Variants in MEGF8 observed in about 807,000 individuals in gnomAD.
The protein encoded by MEGF8 is multiple epidermal growth factor-like domains protein 8.
In MEGF8, 156 loss-of-function variants were observed where a neutral mutation model predicts 302.9. The ratio of observed to expected loss-of-function variants is 0.52; its 90% CI spans 0.45 to 0.59. The LOEUF (loss-of-function observed/expected upper bound fraction) is 0.59. Among genes scored for constraint, MEGF8 ranks in the 20% least tolerant of loss-of-function variants. MEGF8 has a pLI of 0.00. For missense variants in MEGF8, 3,345 were observed against 3,964.5 expected (o/e 0.84, Z 4.20); for synonymous variants, 1,621 against 1,660.5 (o/e 0.98, Z 0.58).
At position 42,353,947 on chromosome 19, in the gene MEGF8, C is replaced by T; in HGVS notation, c.3934C>T (p.Leu1312=). Reference sequence around the variant, plus strand: ...GTGGGTTGTCTCGGCCACTGAGGAGCTACAGCCCTGTGCTCCCGGGACCCT... The same window carrying T: ...GTGGGTTGTCTCGGCCACTGAGGAGTTACAGCCCTGTGCTCCCGGGACCCT... The part of the protein sequence containing the change: ...CVWVVSATEE[L]QPCAPGTLCP... The change falls in exon 22 of 42, where the codon CTA becomes TTA. Residue 1312 remains leucine (L), a synonymous_variant. Transcript: ENST00000251268. This position sits in a 1 kb window ranked among gnomAD's most constrained non-coding sequence, Gnocchi z 6.1. 1.3e-6 allele frequency: 2 copies of T among 1,584,902 alleles called. No homozygotes were observed.
intron 12 of MEGF8, among the ~76,000 whole-genome samples, chr19:42,347,570 G>A (rs2147469646): frequency 6.6e-6 from 1 of 151,884 alleles, no homozygotes; most frequent in South Asian, 2.1e-4. Context: ...TCGGCTCAGT[G>A]CAACCTCTGC....
Position 42,344,500 on chromosome 19 carries a change from G to A in MEGF8, c.1848G>A (p.Leu616=), listed in dbSNP as rs1318601983. Residue 616 remains leucine, a synonymous_variant, in exon 11 of 42, where the codon CTG becomes CTA. Coordinates refer to ENST00000251268, the MANE Select transcript of MEGF8 (RefSeq NM_001271938.2). This position sits in a 1 kb window ranked among gnomAD's most constrained non-coding sequence, Gnocchi z 4.5. ...TCCTGGGTGACTGCCAGGCCTGCCT[G>A]GCCTTCAGCAGCCCCACAGCCCCTC... ...GRLLGDCQAC[L]AFSSPTAPPR... is the part of the protein sequence containing the mutation. 6.3e-7 allele frequency: 1 copy of A among 1,598,886 alleles called. No homozygotes were observed. Among genetic ancestry groups the A allele is most frequent in the Non-Finnish European group, 8.5e-7 (1 of 1,179,396 alleles).
Position 42,370,372 on chromosome 19 carries a change from G to T in MEGF8, c.7005+13G>T. 6.5e-7 allele frequency: 1 copy of T among 1,548,394 alleles called. No individual in the cohort carries two copies. The highest frequency in any genetic ancestry group is 8.7e-7 in the Non-Finnish European group (1 of 1,143,108). On this transcript the variant is annotated intron_variant, in intron 39 of 41. Transcript: ENST00000251268. ...GGACCCAGAGGAGGTGAAAGAGAGG[G>T]GTCAGATGCCTGGGTCTGAGGGAGG... is the stretch of plus-strand genomic sequence containing the variant.
In MEGF8 at chr19:42,333,917, C is replaced by T. The variant is rs1385703039; in HGVS notation, c.352-90C>T. On this transcript the variant is annotated intron_variant, in intron 2 of 41. Coordinates refer to ENST00000251268, the MANE Select transcript of MEGF8 (RefSeq NM_001271938.2). ...AAGGAAGGAGATGAGGCTCTGGGTC[C>T]CCCAGGGTGGAAGGGGGCAGGAGTG... 3.3e-6 allele frequency: 5 copies of T among 1,520,010 alleles called. No homozygotes were observed. In the African/African-American group the frequency reaches 5.5e-5, roughly 17 times the overall value. The allele number at this position is 1,520,010 out of a possible 1,614,324, so 94.2% of individuals were successfully genotyped here.
rs147938778 is a variant in MEGF8 at position 42,346,398 on chromosome 19, C to T, written c.2097+1565C>T. Among the ~76,000 whole-genome samples, 823 of 151,780 alleles carry T rather than the reference C, an allele frequency of 5.4e-3. 9 individuals are homozygous for T. Among genetic ancestry groups the T allele is most frequent in the African/African-American group, 0.019 (795 of 41,420 alleles). On this transcript the variant is annotated intron_variant, in intron 12 of 41. Coordinates refer to ENST00000251268, the MANE Select transcript of MEGF8 (RefSeq NM_001271938.2). ...CTCTACTAAAACTACAAAAATTAGC[C>T]GGGCGTGATGTCGGGTGCCTGTAAT...
In MEGF8 at chr19:42,360,791, G is replaced by T. The variant is rs763852948; in HGVS notation, c.5505G>T (p.Gly1835=). 1.9e-6 allele frequency: 3 copies of T among 1,592,938 alleles called. No individual in the cohort carries two copies. Among genetic ancestry groups the T allele is most frequent in the Non-Finnish European group, 2.6e-6 (3 of 1,170,184 alleles). ...TTTCCTCAGGCTCGGCCTCTGTGGG[G>T]CCCCCAATGGAGGAGTCTGTGGCCC... ...LPDLTRSASV[G]PPMEESVAHA... is the part of the protein sequence containing the mutation. The change falls in exon 32 of 42, where the codon GGG becomes GGT. Residue 1835 remains glycine (G), a synonymous_variant. Transcript: ENST00000251268.
At chr19:42,334,961 C>T (rs952609386) in intron 3 of MEGF8, 74 bp from the exon 4 acceptor site, 1 of 1,445,678 alleles carries the variant, frequency 6.9e-7, no homozygotes, top group African/African-American at 1.4e-5. Flanking sequence ...CTCTTTTCCT[C>T]TCTGTGTCTC....
chr19:42,357,594 G>A lies in MEGF8; in HGVS notation c.5011+10G>A. The A allele has an allele frequency of 6.3e-7, 1 of 1,580,354 alleles. No homozygotes were observed. Among genetic ancestry groups the A allele is most frequent in the Non-Finnish European group, 8.6e-7 (1 of 1,164,562 alleles). ...GGGACACCCCCCACAGGTGGGGCTG[G>A]GGACCGGGAGGGGACAGCCCCCGTG... On this transcript the variant is annotated intron_variant, in intron 28 of 41. Coordinates refer to ENST00000251268, the MANE Select transcript of MEGF8 (RefSeq NM_001271938.2). This position sits in a 1 kb window ranked among gnomAD's most constrained non-coding sequence, Gnocchi z 5.2.
At chr19:42,347,641 C>T (rs1019419575) in intron 12 of MEGF8, among the ~76,000 whole-genome samples, 3 of 152,072 alleles carry the variant, frequency 2.0e-5, no homozygotes, top group Non-Finnish European at 4.4e-5. Flanking sequence ...TACAAGTGCA[C>T]GCTACCACTC....
chr19:42,368,440 C>A lies in MEGF8; in HGVS notation c.6274-15C>A. 1 of 1,575,400 alleles carries A rather than the reference C, an allele frequency of 6.3e-7. No individual in the cohort carries two copies. Among genetic ancestry groups the A allele is most frequent in the Non-Finnish European group, 8.6e-7 (1 of 1,158,844 alleles). ...TCTCTCTTCCCTGCATCCCCATCCC[C>A]TCCCCCCCATACAGTGTCTGAGCCC... is the stretch of plus-strand genomic sequence containing the variant. On this transcript the variant is annotated splice_polypyrimidine_tract_variant and intron_variant, in intron 35 of 41. Coordinates refer to ENST00000251268, the MANE Select transcript of MEGF8 (RefSeq NM_001271938.2). This position sits in a 1 kb window ranked among gnomAD's most constrained non-coding sequence, Gnocchi z 4.9.
chr19:42,350,013 A>G (rs552888039), intron 14 of MEGF8, 135 bp from the exon 15 acceptor site: 1 of 711,810 alleles, frequency 1.4e-6, no homozygotes, highest in African/African-American at 1.8e-5. Flanking sequence ...GGACCTCTTT[A>G]CTGATTTCCT....
In MEGF8 at chr19:42,356,148, C is replaced by A; in HGVS notation, c.4458C>A (p.Gly1486=). Residue 1486 remains glycine, a synonymous_variant, in exon 25 of 42, where the codon GGC becomes GGA. Transcript: ENST00000251268. This position sits in a 1 kb window ranked among gnomAD's most constrained non-coding sequence, Gnocchi z 5.2. ...GGPDCATKLD[G]GQLVWETLMD... ...CCGACTGCGCCACCAAGCTGGATGG[C>A]GGGCAGCTGGTCTGGGAGACCCTCA... The A allele has an allele frequency of 6.4e-7, 1 of 1,569,710 alleles. No homozygotes were observed. Among genetic ancestry groups the A allele is most frequent in the Non-Finnish European group, 8.6e-7 (1 of 1,156,628 alleles).
chr19:42,362,251 T>C, intron 33 of MEGF8, 38 bp downstream of exon 33: 1 of 1,608,902 alleles, frequency 6.2e-7, no homozygotes. Context: ...AAGCAGCAGG[T>C]GTAGGGCAGG....
At position 42,352,070 on chromosome 19, in the gene MEGF8, T is replaced by G. The variant is rs2039382684; in HGVS notation, c.3102-138T>G. ...AATTGTTTTTGTCTGCGACTTCTCC[T>G]GGTTTCTCTGTCTCTCTTTCCAAAT... On this transcript the variant is annotated intron_variant, in intron 18 of 41. Coordinates refer to ENST00000251268, the MANE Select transcript of MEGF8 (RefSeq NM_001271938.2). The surrounding 1 kb of genome is among the most constrained non-coding windows in gnomAD (Gnocchi z 4.4). 2 of 1,184,144 alleles carry G rather than the reference T, an allele frequency of 1.7e-6. No individual in the cohort carries two copies. Among genetic ancestry groups the G allele is most frequent in the Non-Finnish European group, 2.3e-6 (2 of 866,796 alleles). The allele number at this position is 1,184,144 out of a possible 1,614,324, so 73.4% of individuals were successfully genotyped here.
chr19:42,328,567 A>AGTGTGTGTGTGTGTGTGT (rs113567438), intron 1 of MEGF8, among the ~76,000 whole-genome samples: 163 of 146,704 alleles, frequency 1.1e-3, no homozygotes, highest in Middle Eastern at 7.1e-3. Context: ...CAGAATAGGA[A>AGTGTGTGTGTGTGTGTGT]GTGTGTGTGT....
At chr19:42,362,361 T>C (rs1472305772) in intron 33 of MEGF8, 23 bp from the exon 34 acceptor site, 1 of 1,613,598 alleles carries the variant, frequency 6.2e-7, no homozygotes, top group Non-Finnish European at 8.5e-7. Flanking sequence ...GAGGGTCCCA[T>C]CTAGCCTGTC....
In MEGF8 at chr19:42,366,837, G is replaced by T. The variant is rs2039613147; in HGVS notation, c.6274-1618G>T. Among the ~76,000 whole-genome samples, 3 of 152,280 alleles carry T rather than the reference G, an allele frequency of 2.0e-5. No individual in the cohort carries two copies. The South Asian group carries it at 6.2e-4, about 32-fold the overall frequency. On this transcript the variant is annotated intron_variant, in intron 35 of 41. Transcript: ENST00000251268. ...CAGGGTTCTCTACCCCTCCCAGATT[G>T]TCCCACCATCTGCCAACAAGTGCCC...
chr19:42,341,729 G>T (rs2039218083), intron 8 of MEGF8, among the ~76,000 whole-genome samples: 1 of 152,156 alleles, frequency 6.6e-6, no homozygotes, highest in African/African-American at 2.4e-5. Flanking sequence ...TTATAGACGT[G>T]AACTACCACG....
intron 1 of MEGF8, among the ~76,000 whole-genome samples, chr19:42,332,566 C>T (rs1600009968): frequency 1.3e-5 from 2 of 152,264 alleles, no homozygotes; most frequent in South Asian, 4.1e-4. Context: ...CGGGGTTTCG[C>T]CATGTTGGCT....
Sources: gnomAD v4.1 joint callset for allele counts (sites outside exome capture counted in the v4.1 genomes callset) on GRCh38, gnomAD v4.1.1 for gene constraint, Gnocchi (gnomAD v3.1) non-coding constraint, MANE v1.5 for transcripts, NCBI Gene and HGNC (gene_info 2026-07-23, HGNC 2026-07-21) for gene names.